LIFR: variants seen among roughly 807,000 people sequenced by gnomAD.
The protein encoded by LIFR is LIF receptor subunit alpha, also known as leukemia inhibitory factor receptor.
LIFR carries 84 observed loss-of-function variants against 122.2 expected under a neutral mutation model. The observed-to-expected ratio is 0.69, with a 90% CI of 0.58 to 0.82. LIFR has a LOEUF of 0.82. Ranked by LOEUF, LIFR falls within the 40% of genes least tolerant of loss-of-function variation. The pLI, the probability that LIFR is intolerant of heterozygous loss-of-function variation, is 0.00. For synonymous variants in LIFR, 422 were observed against 434.7 expected (o/e 0.97, Z 0.36); for missense variants, 1,294 against 1,311.6 (o/e 0.99, Z 0.21).
At chr5:38,508,600 G>A (rs1466079780) in intron 7 of LIFR, among the ~76,000 whole-genome samples, 3 of 150,714 alleles carry the variant, frequency 2.0e-5, no homozygotes, top group Non-Finnish European at 3.0e-5. Context: ...TTTTTGAGAC[G>A]GAGTCTCGCT....
At chr5:38,524,390 G>A (rs564898290) in intron 4 of LIFR, among the ~76,000 whole-genome samples, 16 of 152,266 alleles carry the variant, frequency 1.1e-4, no homozygotes, top group South Asian at 1.0e-3. Context: ...CACAGACTGC[G>A]GGGGATTGAG....
intron 1 of LIFR, among the ~76,000 whole-genome samples, chr5:38,578,201 CTTTTTCTTT>C (rs1166910971): frequency 0.017 from 1,324 of 76,678 alleles, 10 homozygotes; most frequent in African/African-American, 0.055. Context: ...TTTTCTTTTT[CTTTTTCTTT>C]TTTTTTTTTT....
intron 6 of LIFR, among the ~76,000 whole-genome samples, chr5:38,511,088 C>A (rs1745776265): frequency 6.6e-6 from 1 of 151,992 alleles, no homozygotes; most frequent in East Asian, 1.9e-4. Flanking sequence ...CAATCCACAC[C>A]CCCCAAAAAT....
intron 12 of LIFR, among the ~76,000 whole-genome samples, chr5:38,497,831 T>C (rs375508849): frequency 6.3e-4 from 96 of 152,350 alleles, no homozygotes; most frequent in African/African-American, 2.1e-3. Flanking sequence ...TTATGTCTTA[T>C]GTAGCATTTT....
At chr5:38,584,410 G>C (rs772787899) in intron 1 of LIFR, among the ~76,000 whole-genome samples, 1 of 151,964 alleles carries the variant, frequency 6.6e-6, no homozygotes, top group Non-Finnish European at 1.5e-5. Flanking sequence ...GTTCATTGTG[G>C]TACTGTTCCA....
At chr5:38,537,621 C>T (rs1033117379) in intron 1 of LIFR, among the ~76,000 whole-genome samples, 1 of 151,924 alleles carries the variant, frequency 6.6e-6, no homozygotes, top group Admixed American at 6.6e-5. Flanking sequence ...GAAACAGGAA[C>T]ATCTCCATTT....
At chr5:38,591,033 G>A (rs750065172) in intron 1 of LIFR, among the ~76,000 whole-genome samples, 2 of 152,214 alleles carry the variant, frequency 1.3e-5, no homozygotes, top group Non-Finnish European at 2.9e-5. Flanking sequence ...AACTGTAATG[G>A]TGCCAAGGAT....
chr5:38,516,556 A>G (rs1287159480), intron 5 of LIFR, among the ~76,000 whole-genome samples: 1 of 152,178 alleles, frequency 6.6e-6, no homozygotes, highest in Non-Finnish European at 1.5e-5. Context: ...GACAGGAAAC[A>G]ACAGATGTTG....
chr5:38,517,781 C>T (rs1012692354), intron 5 of LIFR, among the ~76,000 whole-genome samples: 4 of 135,766 alleles, frequency 2.9e-5, no homozygotes, highest in South Asian at 2.5e-4. Context: ...AGCTTGAACC[C>T]GGGATTTGGA....
At chr5:38,522,755 ATT>A (rs1746471731) in intron 5 of LIFR, among the ~76,000 whole-genome samples, 1 of 152,266 alleles carries the variant, frequency 6.6e-6, no homozygotes, top group African/African-American at 2.4e-5. Context: ...TATCTTTACT[ATT>A]TTATCTATGT....
chr5:38,575,791 C>T (rs995742983), intron 1 of LIFR, among the ~76,000 whole-genome samples: 2 of 152,130 alleles, frequency 1.3e-5, no homozygotes, highest in Admixed American at 1.3e-4. Flanking sequence ...TAGGCTCATC[C>T]CTGCTCTGGG....
At position 38,542,580 on chromosome 5, in the gene LIFR, C is replaced by G. The variant is rs1048118435; in HGVS notation, c.-19-11914G>C. ...TGCCTAGAATCCTCCATGGCTCTCCCTGGCCTACAGGGAAAGGTCCCAAGT... is the reference window on the plus strand; with the variant it reads ...TGCCTAGAATCCTCCATGGCTCTCCGTGGCCTACAGGGAAAGGTCCCAAGT... On this transcript the variant is annotated intron_variant, in intron 1 of 19. Coordinates refer to ENST00000453190, the MANE Select transcript of LIFR (RefSeq NM_001127671.2). Among the ~76,000 whole-genome samples the G allele has an allele frequency of 1.3e-4, 20 of 152,274 alleles. No homozygotes were observed. The East Asian group carries it at 3.1e-3, about 24-fold the overall frequency.
chr5:38,482,799 C>A, intron 18 of LIFR, 132 bp from the exon 19 acceptor site: 2 of 469,288 alleles, frequency 4.3e-6, no homozygotes, highest in South Asian at 4.3e-5. Context: ...AATGGAAGAT[C>A]TTTAGTGTGA....
At chr5:38,534,700 A>G (rs1747201309) in intron 1 of LIFR, among the ~76,000 whole-genome samples, 1 of 152,224 alleles carries the variant, frequency 6.6e-6, no homozygotes. Context: ...GGGCTCAGGA[A>G]TAAGAACAAC....
At chr5:38,492,563 C>A (rs1285729052) in intron 14 of LIFR, among the ~76,000 whole-genome samples, 2 of 152,188 alleles carry the variant, frequency 1.3e-5, no homozygotes, top group Admixed American at 1.3e-4. Context: ...TCAGGAAGAT[C>A]ATTACCACTT....
At chr5:38,508,530 C>G (rs970987441) in intron 7 of LIFR, among the ~76,000 whole-genome samples, 1 of 151,674 alleles carries the variant, frequency 6.6e-6, no homozygotes, top group Non-Finnish European at 1.5e-5. Flanking sequence ...TGTGTGTGCA[C>G]GCAGACGTGT....
At position 38,505,900 on chromosome 5, in the gene LIFR, C is replaced by T; in HGVS notation, c.1291+5G>A. ...TTTTAAGACATTAGTTTATGTACAG[C>T]TTACCTTTTTCAGTTATATTAACTA... On this transcript the variant is annotated splice_donor_5th_base_variant and intron_variant, in intron 9 of 19. Transcript: ENST00000453190. 6.3e-7 allele frequency: 1 copy of T among 1,593,920 alleles called. No individual in the cohort carries two copies. Among genetic ancestry groups the T allele is most frequent in the Non-Finnish European group, 8.6e-7 (1 of 1,165,718 alleles).
At chr5:38,537,967 G>A (rs1747381520) in intron 1 of LIFR, among the ~76,000 whole-genome samples, 1 of 151,820 alleles carries the variant, frequency 6.6e-6, no homozygotes, top group Admixed American at 6.6e-5. Context: ...TGTCCTTTGT[G>A]GTTTCTAACC....
At chr5:38,544,719 G>T (rs1747781033) in intron 1 of LIFR, among the ~76,000 whole-genome samples, 1 of 152,070 alleles carries the variant, frequency 6.6e-6, no homozygotes, top group Non-Finnish European at 1.5e-5. Context: ...TCCCCACCTA[G>T]ATGCTGAGCT....
Sources: gnomAD v4.1 joint callset for allele counts (sites outside exome capture counted in the v4.1 genomes callset) on GRCh38, gnomAD v4.1.1 for gene constraint, MANE v1.5 for transcripts, NCBI Gene and HGNC (gene_info 2026-07-23, HGNC 2026-07-21) for gene names.